The following ZFP14 variants were observed in gnomAD, a reference collection of about 807,000 sequenced individuals.
ZFP14 encodes ZFP14 zinc finger protein, also known as zinc finger protein 14 homolog.
ZFP14 carries 22 observed loss-of-function variants against 54.5 expected under a neutral mutation model. That is an observed-to-expected ratio of 0.40 (90% CI 0.29 to 0.58). The LOEUF (loss-of-function observed/expected upper bound fraction) is 0.58. Ranked by LOEUF, ZFP14 falls within the 20% of genes least tolerant of loss-of-function variation. The pLI, the probability that ZFP14 is intolerant of heterozygous loss-of-function variation, is 0.39. For missense variants in ZFP14, 470 were observed against 637.8 expected, an observed-to-expected ratio of 0.74 and a Z score of 2.83; for synonymous variants, 159 against 204.0, an observed-to-expected ratio of 0.78 and a Z score of 1.88.
intron 1 of ZFP14, among the ~76,000 whole-genome samples, chr19:36,371,456 C>G (rs1371353185): frequency 6.6e-6 from 1 of 151,994 alleles, no homozygotes; most frequent in African/African-American, 2.4e-5. Context: ...AAATGCAAGA[C>G]AGAACATCAA....
In ZFP14 at chr19:36,349,374, G is replaced by A. The variant is rs1315056526; in HGVS notation, c.236-7784C>T. On this transcript the variant is annotated intron_variant, in intron 4 of 4. Transcript: ENST00000270001. ...TTCCCTTAACGCCCTTTGAAAATGT[G>A]AATTTACAGGCTGGGCACAGTGGCT... Among the ~76,000 whole-genome samples the A allele has an allele frequency of 4.0e-5, 6 of 150,526 alleles. No homozygotes were observed. In the Admixed American group the frequency reaches 4.0e-4, roughly 10 times the overall value.
Position 36,348,476 on chromosome 19 carries a change from A to G in ZFP14, c.236-6886T>C, listed in dbSNP as rs182118019. On this transcript the variant is annotated intron_variant, in intron 4 of 4. Transcript: ENST00000270001. ...TAGAGGTTCTGGAGGATGTCTTACC[A>G]GGACAGTCAGGGAAGTCAGGATTTT... Among the ~76,000 whole-genome samples, 3 of 152,262 alleles carry G rather than the reference A, an allele frequency of 2.0e-5. No individual in the cohort carries two copies. The East Asian group carries it at 5.8e-4, about 29-fold the overall frequency.
intron 4 of ZFP14, among the ~76,000 whole-genome samples, chr19:36,358,226 T>G (rs1381911638): frequency 6.6e-6 from 1 of 152,002 alleles, no homozygotes; most frequent in Non-Finnish European, 1.5e-5. Context: ...TTCTCCCACC[T>G]CAGCCTCCTG....
At chr19:36,358,065 T>TATCTATCTATCTATCTATCTATCTATC (rs994944043) in intron 4 of ZFP14, among the ~76,000 whole-genome samples, 1 of 146,368 alleles carries the variant, frequency 6.8e-6, no homozygotes, top group African/African-American at 2.5e-5. Context: ...TCTATCTATC[T>TATCTATCTATCTATCTATCTATCTATC]ATCTATCTAT....
Position 36,341,273 on chromosome 19 carries a change from A to G in ZFP14, c.553T>C (p.Ser185Pro), listed in dbSNP as rs920485299. The stretch of plus-strand genomic sequence containing the variant: ...ATTCTCAGGTGTTGACTAAGTGTTG[A>G]GCGACGAATAAAGGTCTTCCTACAC... ...KECRKTFIRRSTLSQHLRIHT... is the reference protein window; with the variant it reads ...KECRKTFIRRPTLSQHLRIHT... The change falls in exon 5 of 5, where the codon TCA (serine) becomes CCA (proline). Residue 185 changes from serine (S) to proline (P), a missense_variant. Coordinates refer to ENST00000270001, the MANE Select transcript of ZFP14 (RefSeq NM_020917.3). The surrounding 1 kb of genome is among the most constrained non-coding windows in gnomAD (Gnocchi z 4.2). The G allele has an allele frequency of 6.2e-7, 1 of 1,614,044 alleles. No individual in the cohort carries two copies. Among genetic ancestry groups the G allele is most frequent in the Non-Finnish European group, 8.5e-7 (1 of 1,180,046 alleles).
intron 4 of ZFP14, among the ~76,000 whole-genome samples, chr19:36,349,306 AT>A (rs1185472556): frequency 5.3e-5 from 8 of 150,276 alleles, no homozygotes; most frequent in Admixed American, 1.3e-4. Context: ...GAACTAAAAA[AT>A]ATTTGTATTT....
intron 1 of ZFP14, chr19:36,378,455 A>C (rs909523348): frequency 1.3e-5 from 2 of 152,214 alleles, no homozygotes; most frequent in African/African-American, 4.8e-5. Flanking sequence ...TTAATGACAG[A>C]GCTGCTTCAT....
Position 36,340,445 on chromosome 19 carries a change from A to G in ZFP14, c.1381T>C (p.Phe461Leu). 1 of 1,613,322 alleles carries G rather than the reference A, an allele frequency of 6.2e-7. No individual in the cohort carries two copies. The highest frequency in any genetic ancestry group is 8.5e-7 in the Non-Finnish European group (1 of 1,179,308). The change falls in exon 5 of 5, where the codon TTT becomes CTT. Residue 461 changes from phenylalanine to leucine, a missense_variant. Transcript: ENST00000270001. The surrounding 1 kb of genome is among the most constrained non-coding windows in gnomAD (Gnocchi z 5.4). ...TGGGTAAGTTGTGAGAGCAGTCTAA[A>G]AGGTTTTCTACATTCCTTACATTCA... The part of the protein sequence containing the change: ...PYECKECRKP[F>L]RLLSQLTQHQ...
chr19:36,341,514 A>G lies in ZFP14; in HGVS notation c.312T>C (p.Asp104=). 1 of 1,612,174 alleles carries G rather than the reference A, an allele frequency of 6.2e-7. No homozygotes were observed. The highest frequency in any genetic ancestry group is 8.5e-7 in the Non-Finnish European group (1 of 1,179,582). ...TATAGCTTTTAATTCTTTCCATTAT[A>G]TCCCACTGAAATGAATATATTTCAT... ...DIYEIYSFQW[D]IMERIKSYSL... Residue 104 remains aspartate (D), a synonymous_variant, in exon 5 of 5, where the codon GAT becomes GAC. Coordinates refer to ENST00000270001, the MANE Select transcript of ZFP14 (RefSeq NM_020917.3). The surrounding 1 kb of genome is among the most constrained non-coding windows in gnomAD (Gnocchi z 4.2).
rs1219349473 is a variant in ZFP14 at position 36,336,874 on chromosome 19, G to T, written c.*3350C>A. 1 of 152,122 alleles carries T rather than the reference G, an allele frequency of 6.6e-6. No individual in the cohort carries two copies. Among genetic ancestry groups the T allele is most frequent in the Non-Finnish European group, 1.5e-5 (1 of 68,018 alleles). 9.4% of individuals were successfully genotyped at this position (152,122 alleles called of 1,614,324 possible). ...AACACATACAAAAGTAGAAATATTA[G>T]AACAATAAGTCTCCATGAACAAAAC... On this transcript the variant is annotated 3_prime_UTR_variant, in exon 5 of 5. Transcript: ENST00000270001.
chr19:36,364,087 T>C (rs549332180), intron 2 of ZFP14, among the ~76,000 whole-genome samples: 6 of 152,332 alleles, frequency 3.9e-5, no homozygotes, highest in East Asian at 3.9e-4. Context: ...CCTGGCATTC[T>C]TCTCCGCAGG....
Position 36,360,432 on chromosome 19 carries a change from C to T in ZFP14, c.235+3G>A. ...TCTCAATGCCTGCTCAGCCCTCACT[C>T]ACCAGGGCAGTATCTTCTTGTCCCT... On this transcript the variant is annotated splice_donor_region_variant and intron_variant, in intron 4 of 4. Coordinates refer to ENST00000270001, the MANE Select transcript of ZFP14 (RefSeq NM_020917.3). The T allele has an allele frequency of 1.9e-6, 3 of 1,612,158 alleles. No individual in the cohort carries two copies. Among genetic ancestry groups the T allele is most frequent in the Non-Finnish European group, 2.5e-6 (3 of 1,178,746 alleles).
chr19:36,377,320 T>C (rs1029841316), intron 1 of ZFP14, among the ~76,000 whole-genome samples: 2 of 152,028 alleles, frequency 1.3e-5, no homozygotes, highest in Non-Finnish European at 2.9e-5. Context: ...GAGGCTGAGG[T>C]GGAAGAATTC....
At chr19:36,366,348 T>C (rs888769983) in intron 2 of ZFP14, among the ~76,000 whole-genome samples, 1 of 152,166 alleles carries the variant, frequency 6.6e-6, no homozygotes, top group Non-Finnish European at 1.5e-5. Context: ...AGATAGGGTC[T>C]GGCTCTGTCA....
intron 1 of ZFP14, among the ~76,000 whole-genome samples, chr19:36,377,856 A>C (rs2031987393): frequency 6.6e-6 from 1 of 152,132 alleles, no homozygotes; most frequent in African/African-American, 2.4e-5. Flanking sequence ...AAAAAATACA[A>C]AAAAAAACAA....
intron 4 of ZFP14, among the ~76,000 whole-genome samples, chr19:36,352,405 C>A (rs1433925705): frequency 7.0e-6 from 1 of 143,104 alleles, no homozygotes; most frequent in African/African-American, 2.6e-5. Context: ...AAAGTAAGAA[C>A]ATATTAAGCA....
At chr19:36,365,630 T>C (rs1406734322) in intron 2 of ZFP14, among the ~76,000 whole-genome samples, 2 of 139,466 alleles carry the variant, frequency 1.4e-5, no homozygotes, top group African/African-American at 2.8e-5. Flanking sequence ...TATAACAAGA[T>C]TTTTCCTGGA....
At chr19:36,357,010 G>A (rs1479868240) in intron 4 of ZFP14, among the ~76,000 whole-genome samples, 3 of 151,814 alleles carry the variant, frequency 2.0e-5, no homozygotes. Flanking sequence ...ATGAGACAAA[G>A]TTTTCAATTT....
At chr19:36,366,526 G>A (rs756032008) in intron 2 of ZFP14, among the ~76,000 whole-genome samples, 13 of 151,964 alleles carry the variant, frequency 8.6e-5, no homozygotes, top group South Asian at 2.1e-4. Context: ...CTTGTTGCCC[G>A]GGATGGTCTG....
Sources: allele counts gnomAD v4.1 joint callset (sites outside exome capture counted in the v4.1 genomes callset), GRCh38; gene constraint gnomAD v4.1.1; non-coding constraint Gnocchi (gnomAD v3.1); transcripts MANE v1.5; gene names NCBI Gene and HGNC (gene_info 2026-07-23, HGNC 2026-07-21).